Variants in NIBAN1 observed in about 807,000 individuals in gnomAD.
NIBAN1 encodes the protein niban apoptosis regulator 1.
Under a neutral mutation model 75.1 loss-of-function variants are expected in NIBAN1, and 81 were observed. That is an observed-to-expected ratio of 1.08 (90% CI 0.90 to 1.30). NIBAN1 has a LOEUF of 1.30. Ranked by LOEUF, NIBAN1 falls within the 50% of genes most tolerant of loss-of-function variation. The pLI, the probability that NIBAN1 is intolerant of heterozygous loss-of-function variation, is 0.00. For synonymous variants in NIBAN1, 436 were observed against 424.8 expected (o/e 1.03, Z -0.32); for missense variants, 1,133 against 1,128.1 (o/e 1.00, Z -0.06).
At chr1:184,870,034 T>C (rs1245382319) in intron 5 of NIBAN1, among the ~76,000 whole-genome samples, 1 of 152,212 alleles carries the variant, frequency 6.6e-6, no homozygotes, top group Non-Finnish European at 1.5e-5. Context: ...GGATGCTGTT[T>C]AAAATGTACG....
rs373173230 is a variant in NIBAN1 at position 184,904,885 on chromosome 1, A to G, written c.56-5576T>C. Among the ~76,000 whole-genome samples, 14 of 152,024 alleles carry G rather than the reference A, an allele frequency of 9.2e-5. No homozygotes were observed. In the East Asian group the frequency reaches 2.3e-3, roughly 25 times the overall value. On this transcript the variant is annotated intron_variant, in intron 1 of 13. Transcript: ENST00000367511. ...AGAATCACTTGAGCCTGGGAGGCAG[A>G]GGTTGCAGTGAGCCAAGATCGCACC...
At chr1:184,818,080 T>C (rs1238832743) in intron 9 of NIBAN1, among the ~76,000 whole-genome samples, 5 of 152,222 alleles carry the variant, frequency 3.3e-5, no homozygotes, top group Non-Finnish European at 5.9e-5. Context: ...GGCTGCCCGA[T>C]TCACAAATGG....
At chr1:184,800,902 C>G (rs1654021592) in intron 12 of NIBAN1, among the ~76,000 whole-genome samples, 1 of 152,180 alleles carries the variant, frequency 6.6e-6, no homozygotes, top group South Asian at 2.1e-4. Flanking sequence ...GAAACATTCT[C>G]TTTCTCTTCA....
chr1:184,946,319 T>C (rs1042773981), intron 1 of NIBAN1, among the ~76,000 whole-genome samples: 2 of 152,120 alleles, frequency 1.3e-5, no homozygotes, highest in African/African-American at 4.8e-5. Flanking sequence ...AAGCTGAGGA[T>C]TAGTAAAGAG....
chr1:184,928,930 A>G (rs150903249), intron 1 of NIBAN1, among the ~76,000 whole-genome samples: 2 of 152,234 alleles, frequency 1.3e-5, no homozygotes, highest in African/African-American at 4.8e-5. Context: ...CTTCATTTTC[A>G]CGTGATGCAC....
chr1:184,885,506 T>C (rs1656502324), intron 4 of NIBAN1, among the ~76,000 whole-genome samples: 1 of 152,054 alleles, frequency 6.6e-6, no homozygotes, highest in African/African-American at 2.4e-5. Context: ...TCCTTATGTC[T>C]AAAGACCCAC....
chr1:184,840,493 A>G (rs893945103), intron 5 of NIBAN1, among the ~76,000 whole-genome samples: 7 of 152,232 alleles, frequency 4.6e-5, no homozygotes, highest in African/African-American at 1.7e-4. Context: ...CTTCTCAAAC[A>G]AATGGAAGAA....
At chr1:184,966,253 C>T (rs2102088755) in intron 1 of NIBAN1, among the ~76,000 whole-genome samples, 1 of 152,352 alleles carries the variant, frequency 6.6e-6, no homozygotes, top group African/African-American at 2.4e-5. Context: ...CATTCCAGGC[C>T]TAAGCCACAA....
chr1:184,953,233 C>A (rs1340830838), intron 1 of NIBAN1, among the ~76,000 whole-genome samples: 2 of 152,118 alleles, frequency 1.3e-5, no homozygotes, highest in Admixed American at 1.3e-4. Context: ...TTAGAGGAGG[C>A]TAGATAACTT....
At chr1:184,796,690 C>T (rs1038471095) in intron 13 of NIBAN1, among the ~76,000 whole-genome samples, 5 of 152,192 alleles carry the variant, frequency 3.3e-5, no homozygotes, top group African/African-American at 1.2e-4. Context: ...CACAGGCCTC[C>T]TACTTATGGC....
chr1:184,935,464 TG>T (rs1657931362), intron 1 of NIBAN1, among the ~76,000 whole-genome samples: 1 of 152,054 alleles, frequency 6.6e-6, no homozygotes, highest in South Asian at 2.1e-4. Flanking sequence ...GCCATGATTG[TG>T]CCACTGCCCT....
chr1:184,853,690 TCAA>T lies in NIBAN1; in HGVS notation c.602-21731_602-21729del, dbSNP rs1021341140. Among the ~76,000 whole-genome samples, 216 of 152,176 alleles carry T rather than the reference TCAA, an allele frequency of 1.4e-3. 1 individual carries two copies. The highest frequency in any genetic ancestry group is 4.9e-3 in the African/African-American group (203 of 41,536). On this transcript the variant is annotated intron_variant, in intron 5 of 13. Transcript: ENST00000367511. ...CTTCCCACTGAATCTTCTCCCACCC[TCAA>T]CACACACACATACATACACACACCT...
rs770921337 is a variant in NIBAN1 at position 184,795,340 on chromosome 1, C to A, written c.2424G>T (p.Leu808=). ...CTGGGAGCTCCCCCTCCATGGGCCCCAGGGGCTCCTCGGTGAGCCCTCCAC... is the reference window on the plus strand; with the variant it reads ...CTGGGAGCTCCCCCTCCATGGGCCCAAGGGGCTCCTCGGTGAGCCCTCCAC... ...PASGGLTEEP[L]GPMEGELPGE... is the part of the protein sequence containing the mutation. Residue 808 remains leucine, a synonymous_variant, in exon 14 of 14, where the codon CTG becomes CTT. Transcript: ENST00000367511. 1 of 1,610,568 alleles carries A rather than the reference C, an allele frequency of 6.2e-7. No homozygotes were observed. The highest frequency in any genetic ancestry group is 1.7e-5 in the Admixed American group (1 of 59,846).
At chr1:184,855,793 C>G (rs1448790215) in intron 5 of NIBAN1, among the ~76,000 whole-genome samples, 2 of 152,140 alleles carry the variant, frequency 1.3e-5, no homozygotes, top group Non-Finnish European at 2.9e-5. Flanking sequence ...TAGAATAGAA[C>G]TTGGCACACA....
intron 4 of NIBAN1, 66 bp downstream of exon 4, chr1:184,890,042 A>G: frequency 8.1e-7 from 1 of 1,233,218 alleles, no homozygotes; most frequent in Non-Finnish European, 1.2e-6. Flanking sequence ...TCACAGAGAA[A>G]CACTGCTCCA....
At chr1:184,973,455 A>G (rs919037567) in intron 1 of NIBAN1, among the ~76,000 whole-genome samples, 2 of 150,998 alleles carry the variant, frequency 1.3e-5, no homozygotes, top group Non-Finnish European at 2.9e-5. Context: ...GGGGAAAGAC[A>G]GTAAATTGGT....
intron 1 of NIBAN1, among the ~76,000 whole-genome samples, chr1:184,955,523 G>C (rs542337363): frequency 6.6e-6 from 1 of 152,092 alleles, no homozygotes; most frequent in Admixed American, 6.6e-5. Context: ...TATTTTAGTA[G>C]AGACGGGGTT....
chr1:184,791,225 A>G lies in NIBAN1; in HGVS notation c.*3752T>C, dbSNP rs1653688563. The G allele has an allele frequency of 3.1e-6, 1 of 327,640 alleles. No individual in the cohort carries two copies. Among genetic ancestry groups the G allele is most frequent in the Non-Finnish European group, 6.0e-6 (1 of 165,982 alleles). The allele number at this position is 327,640 out of a possible 1,614,324, so 20.3% of individuals were successfully genotyped here. A position where few individuals can be genotyped will look rare whatever the true frequency, so the allele number is the denominator to read the frequency against. On this transcript the variant is annotated 3_prime_UTR_variant, in exon 14 of 14. Coordinates refer to ENST00000367511, the MANE Select transcript of NIBAN1 (RefSeq NM_052966.4). ...TCTTTATGGTAAAGTGTGAAGGCAC[A>G]TGTTGCCAACTGTTGCACCGACTGA...
intron 1 of NIBAN1, among the ~76,000 whole-genome samples, chr1:184,965,073 G>T (rs1216546094): frequency 6.6e-6 from 1 of 152,196 alleles, no homozygotes; most frequent in East Asian, 1.9e-4. Context: ...GCCGAGGCGG[G>T]CGGATCACGA....
Sources: gnomAD v4.1 joint callset for allele counts (sites outside exome capture counted in the v4.1 genomes callset) on GRCh38, gnomAD v4.1.1 for gene constraint, MANE v1.5 for transcripts, NCBI Gene and HGNC (gene_info 2026-07-23, HGNC 2026-07-21) for gene names.